YWHAE: variants seen among roughly 807,000 people sequenced by gnomAD.
The protein encoded by YWHAE is tyrosine 3-monooxygenase/tryptophan 5-monooxygenase activation protein epsilon, also known as 14-3-3 protein epsilon.
In YWHAE, 4 loss-of-function variants were observed where a neutral mutation model predicts 30.1. The ratio of observed to expected loss-of-function variants is 0.13; its 90% CI spans 0.07 to 0.30. The LOEUF is 0.30. YWHAE is among the 10% of genes least tolerant of loss of function. The pLI is 1.00. For synonymous variants in YWHAE, 118 were observed against 111.8 expected (o/e 1.06, Z -0.35); for missense variants, 121 against 315.9 (o/e 0.38, Z 4.68).
At chr17:1,364,372 T>G (rs991181115) in intron 2 of YWHAE, among the ~76,000 whole-genome samples, 6 of 151,784 alleles carry the variant, frequency 4.0e-5, no homozygotes, top group Admixed American at 3.3e-4. Flanking sequence ...GACCACAGGC[T>G]CCCGCCACCA....
intron 1 of YWHAE, among the ~76,000 whole-genome samples, chr17:1,391,799 G>A (rs962497044): frequency 2.0e-5 from 3 of 151,918 alleles, no homozygotes; most frequent in Non-Finnish European, 2.9e-5. Context: ...GTGGGATCCC[G>A]TCTCCACAAA....
chr17:1,348,761 C>T (rs1363448234), intron 5 of YWHAE, among the ~76,000 whole-genome samples: 1 of 152,200 alleles, frequency 6.6e-6, no homozygotes, highest in Non-Finnish European at 1.5e-5. Context: ...CAGTGGCTCA[C>T]GCCTGTAATC....
intron 1 of YWHAE, among the ~76,000 whole-genome samples, chr17:1,388,117 G>GTTTTTTTTTTTTTTTTTTTTT (rs1491196737): frequency 3.1e-5 from 2 of 65,112 alleles, no homozygotes; most frequent in Non-Finnish European, 4.6e-5. Context: ...TTTTTTGGTT[G>GTTTTTTTTTTTTTTTTTTTTT]GTTTTTTTTT....
intron 1 of YWHAE, among the ~76,000 whole-genome samples, chr17:1,373,497 C>G (rs1242240111): frequency 1.3e-5 from 2 of 151,332 alleles, no homozygotes; most frequent in African/African-American, 4.9e-5. Context: ...AACCCCGTCT[C>G]TACTAAATAT....
At chr17:1,346,359 T>G (rs551017437) in intron 5 of YWHAE, among the ~76,000 whole-genome samples, 47 of 152,276 alleles carry the variant, frequency 3.1e-4, no homozygotes, top group African/African-American at 1.0e-3. Context: ...AAAAAACCAC[T>G]TACAATTACT....
intron 4 of YWHAE, among the ~76,000 whole-genome samples, chr17:1,360,123 C>T (rs535050654): frequency 7.2e-5 from 11 of 152,060 alleles, no homozygotes; most frequent in South Asian, 2.1e-4. Context: ...CCACCACACC[C>T]GGCTAATTTT....
intron 1 of YWHAE, among the ~76,000 whole-genome samples, chr17:1,374,720 CG>C (rs2073098311): frequency 6.6e-6 from 1 of 152,118 alleles, no homozygotes; most frequent in Non-Finnish European, 1.5e-5. Context: ...GAGCCTTTTG[CG>C]TATGTTCTCT....
rs568581107 is a variant in YWHAE at position 1,382,604 on chromosome 17, C to T, written c.64+17443G>A. Among the ~76,000 whole-genome samples the T allele has an allele frequency of 3.3e-5, 5 of 151,966 alleles. No homozygotes were observed. In the South Asian group the frequency reaches 8.3e-4, roughly 25 times the overall value. ...CTCAATCTCCTGACCCTGTGATCCA[C>T]CCGCCTCGGCCTCCCAAAGTGCTAG... On this transcript the variant is annotated intron_variant, in intron 1 of 5. Coordinates refer to ENST00000264335, the MANE Select transcript of YWHAE (RefSeq NM_006761.5).
chr17:1,360,826 A>G (rs998778879), intron 4 of YWHAE, among the ~76,000 whole-genome samples: 3 of 152,158 alleles, frequency 2.0e-5, no homozygotes, highest in Admixed American at 6.5e-5. Flanking sequence ...AATTCCTCTC[A>G]TTTCCTTCCT....
intron 1 of YWHAE, among the ~76,000 whole-genome samples, chr17:1,389,712 A>C (rs112948359): frequency 0.11 from 17,018 of 150,404 alleles, 2,987 homozygotes; most frequent in African/African-American, 0.38. Context: ...TTGTATTTTT[A>C]GTAGAGACAG....
chr17:1,390,381 T>C (rs2073371675), intron 1 of YWHAE, among the ~76,000 whole-genome samples: 1 of 152,230 alleles, frequency 6.6e-6, no homozygotes, highest in Admixed American at 6.5e-5. Context: ...ACATAAGGAC[T>C]AAGCCCAGAA....
At position 1,378,382 on chromosome 17, in the gene YWHAE, A is replaced by G. The variant is rs929510284; in HGVS notation, c.65-13324T>C. 4.6e-5 allele frequency among the ~76,000 whole-genome samples: 7 copies of G among 152,248 alleles called. No homozygotes were observed. In the South Asian group the frequency reaches 1.0e-3, roughly 22 times the overall value. ...GGCAAAAGCTTGACAATCACTAAAC[A>G]TAGTCAATTCACAGATAATTCATGA... On this transcript the variant is annotated intron_variant, in intron 1 of 5. Transcript: ENST00000264335.
chr17:1,389,713 G>A (rs1267679173), intron 1 of YWHAE, among the ~76,000 whole-genome samples: 1 of 151,036 alleles, frequency 6.6e-6, no homozygotes, highest in African/African-American at 2.4e-5. Flanking sequence ...TGTATTTTTA[G>A]TAGAGACAGG....
At chr17:1,382,210 G>A (rs375377516) in intron 1 of YWHAE, among the ~76,000 whole-genome samples, 1 of 151,418 alleles carries the variant, frequency 6.6e-6, no homozygotes, top group East Asian at 1.9e-4. Flanking sequence ...CACCATGCCC[G>A]GCAAATTTTT....
At chr17:1,391,676 T>C (rs2073391001) in intron 1 of YWHAE, among the ~76,000 whole-genome samples, 1 of 152,158 alleles carries the variant, frequency 6.6e-6, no homozygotes, top group Admixed American at 6.6e-5. Flanking sequence ...GATATATCAA[T>C]ACCTAAATAT....
chr17:1,378,582 C>T (rs925417486), intron 1 of YWHAE, among the ~76,000 whole-genome samples: 1 of 152,200 alleles, frequency 6.6e-6, no homozygotes, highest in Non-Finnish European at 1.5e-5. Context: ...CAGTTCTGTA[C>T]TAAAAAGCAT....
At chr17:1,355,811 C>T (rs1467802023) in intron 4 of YWHAE, among the ~76,000 whole-genome samples, 1 of 151,946 alleles carries the variant, frequency 6.6e-6, no homozygotes, top group African/African-American at 2.4e-5. Context: ...GATGCGTGCG[C>T]GCAGATCACT....
At chr17:1,347,907 T>TTA in intron 5 of YWHAE, 1 of 949,360 alleles carries the variant, frequency 1.1e-6, no homozygotes, top group Non-Finnish European at 1.3e-6. Context: ...GCAGGCATGA[T>TTA]TAGTGAAGAA....
chr17:1,347,147 G>A, intron 5 of YWHAE, among the ~76,000 whole-genome samples: 1 of 134,934 alleles, frequency 7.4e-6, no homozygotes. Context: ...CTAACACAGT[G>A]AAACCCTGTC....
Sources: allele counts gnomAD v4.1 joint callset (sites outside exome capture counted in the v4.1 genomes callset), GRCh38; gene constraint gnomAD v4.1.1; transcripts MANE v1.5; gene names NCBI Gene and HGNC (gene_info 2026-07-23, HGNC 2026-07-21).